The following NEK11 variants were observed in gnomAD, a reference collection of about 807,000 sequenced individuals.
NEK11 encodes serine/threonine-protein kinase Nek11.
In NEK11, 72 loss-of-function variants were observed where a neutral mutation model predicts 80.7. The ratio of observed to expected loss-of-function variants is 0.89; its 90% CI spans 0.74 to 1.08. The LOEUF (loss-of-function observed/expected upper bound fraction) is 1.08, where lower values mean the gene tolerates loss of function less well. Among genes scored for constraint, NEK11 ranks in the 50% least tolerant of loss-of-function variants. The pLI is 0.00. For synonymous variants in NEK11, 251 were observed against 260.7 expected, an observed-to-expected ratio of 0.96 and a Z score of 0.36; for missense variants, 764 against 763.6, an observed-to-expected ratio of 1.00 and a Z score of -0.01.
chr3:131,336,858 G>A (rs895676399), intron 17 of NEK11, among the ~76,000 whole-genome samples: 18 of 152,210 alleles, frequency 1.2e-4, no homozygotes, highest in Non-Finnish European at 2.5e-4. Flanking sequence ...AAAGACACAT[G>A]TAAAAATGCT....
chr3:131,089,836 C>G (rs1441820126), intron 4 of NEK11, among the ~76,000 whole-genome samples: 1 of 151,014 alleles, frequency 6.6e-6, no homozygotes, highest in Non-Finnish European at 1.5e-5. Flanking sequence ...GATTTTGATG[C>G]ATAATATTTG....
chr3:131,255,682 A>T (rs1484931532), intron 16 of NEK11, among the ~76,000 whole-genome samples: 1 of 152,114 alleles, frequency 6.6e-6, no homozygotes. Context: ...TGGCAGCTCT[A>T]CTTCTATCTT....
chr3:131,274,801 C>G (rs1034527538), intron 17 of NEK11, among the ~76,000 whole-genome samples: 46 of 151,448 alleles, frequency 3.0e-4, no homozygotes, highest in Admixed American at 3.3e-4. Flanking sequence ...CTACAGGCGC[C>G]TGCCACCGCG....
intron 14 of NEK11, among the ~76,000 whole-genome samples, chr3:131,224,558 G>C (rs2095131904): frequency 6.6e-6 from 1 of 152,052 alleles, no homozygotes; most frequent in African/African-American, 2.4e-5. Context: ...TTTCTAAAGT[G>C]TACTCCTTCT....
intron 10 of NEK11, among the ~76,000 whole-genome samples, chr3:131,161,243 A>G (rs559210127): frequency 6.6e-6 from 1 of 152,312 alleles, no homozygotes; most frequent in East Asian, 1.9e-4. Flanking sequence ...TGGAAGTGTA[A>G]ATTAGTTCAA....
chr3:131,197,814 T>A (rs1248445110), intron 14 of NEK11, among the ~76,000 whole-genome samples: 1 of 152,036 alleles, frequency 6.6e-6, no homozygotes, highest in East Asian at 1.9e-4. Context: ...ATACTAGGGG[T>A]CCTTCTATAA....
At chr3:131,127,928 A>G (rs2083650898) in intron 5 of NEK11, among the ~76,000 whole-genome samples, 1 of 152,196 alleles carries the variant, frequency 6.6e-6, no homozygotes, top group Non-Finnish European at 1.5e-5. Context: ...TTTTACTAAG[A>G]TACCTCTTCC....
chr3:131,132,797 C>G lies in NEK11; in HGVS notation c.508C>G (p.Leu170Val). 6.7e-7 allele frequency: 1 copy of G among 1,494,118 alleles called. No homozygotes were observed. The highest frequency in any genetic ancestry group is 1.2e-5 in the South Asian group (1 of 81,958). 92.6% of individuals were successfully genotyped at this position (1,494,118 alleles called of 1,614,324 possible). A position where few individuals can be genotyped will look rare whatever the true frequency, so the allele number is the denominator to read the frequency against. The change falls in exon 6 of 18, where the codon CTC (leucine) becomes GTC (valine). Residue 170 changes from leucine to valine, a missense_variant. Leu to Val is a conservative substitution (Grantham distance 32). Transcript: ENST00000383366. Reference protein sequence around the residue: ...KSKNVFLKNNLLKIGDFGVSR... With the variant: ...KSKNVFLKNNVLKIGDFGVSR... ...AAAGAATGTATTTCTGAAAAATAAT[C>G]TCCTTAAAATTGGTAAGATTTTAAA...
At chr3:131,158,128 C>T (rs2090992079) in intron 10 of NEK11, among the ~76,000 whole-genome samples, 1 of 152,004 alleles carries the variant, frequency 6.6e-6, no homozygotes, top group African/African-American at 2.4e-5. Context: ...TCTCCTGAGG[C>T]CCAGCCTGGC....
chr3:131,164,574 T>G (rs970238361), intron 11 of NEK11, among the ~76,000 whole-genome samples: 2 of 152,182 alleles, frequency 1.3e-5, no homozygotes, highest in African/African-American at 4.8e-5. Context: ...AAAGGCAAAT[T>G]TAATAACATA....
chr3:131,211,513 C>T (rs914029899), intron 14 of NEK11, among the ~76,000 whole-genome samples: 1 of 152,120 alleles, frequency 6.6e-6, no homozygotes, highest in African/African-American at 2.4e-5. Context: ...GAATGTTGGC[C>T]TGCCTTGCTA....
chr3:131,274,081 T>C (rs2096249386), intron 17 of NEK11, among the ~76,000 whole-genome samples: 1 of 149,780 alleles, frequency 6.7e-6, no homozygotes, highest in Non-Finnish European at 1.5e-5. Flanking sequence ...TAGCATTAGG[T>C]ATATCTCCCA....
intron 17 of NEK11, among the ~76,000 whole-genome samples, chr3:131,288,452 T>TTC (rs201121837): frequency 1.9e-5 from 1 of 53,548 alleles, no homozygotes; most frequent in African/African-American, 6.5e-5. Flanking sequence ...CTTTCTTTCT[T>TTC]TTTTTTTTTT....
chr3:131,214,829 G>A (rs2094765591), intron 14 of NEK11, among the ~76,000 whole-genome samples: 1 of 152,020 alleles, frequency 6.6e-6, no homozygotes, highest in South Asian at 2.1e-4. Flanking sequence ...AAACAGTACT[G>A]TACTGTACTT....
chr3:131,235,507 T>G (rs527670043), intron 15 of NEK11, among the ~76,000 whole-genome samples: 1 of 152,306 alleles, frequency 6.6e-6, no homozygotes, highest in South Asian at 2.1e-4. Flanking sequence ...AAATACCATT[T>G]CATGGTGTCC....
intron 16 of NEK11, among the ~76,000 whole-genome samples, chr3:131,248,801 A>G (rs1055190604): frequency 6.6e-6 from 1 of 152,108 alleles, no homozygotes; most frequent in Non-Finnish European, 1.5e-5. Context: ...TGCTTTTTCC[A>G]TGTGAAATAT....
intron 5 of NEK11, among the ~76,000 whole-genome samples, chr3:131,120,169 A>G (rs993667491): frequency 2.6e-5 from 4 of 152,088 alleles, no homozygotes; most frequent in Non-Finnish European, 1.5e-5. Context: ...TGTAAGGTAG[A>G]CCTGGTGGTG....
At chr3:131,069,403 G>T (rs2072756289) in intron 3 of NEK11, among the ~76,000 whole-genome samples, 1 of 152,050 alleles carries the variant, frequency 6.6e-6, no homozygotes, top group African/African-American at 2.4e-5. Flanking sequence ...TTCAACCATT[G>T]TGGAAGTCAG....
At chr3:131,176,070 A>G (rs2092994220) in intron 14 of NEK11, among the ~76,000 whole-genome samples, 1 of 152,198 alleles carries the variant, frequency 6.6e-6, no homozygotes, top group African/African-American at 2.4e-5. Context: ...GATAAGGGAC[A>G]GGGATCTTTT....
Sources: gnomAD v4.1 joint callset for allele counts (sites outside exome capture counted in the v4.1 genomes callset) on GRCh38, gnomAD v4.1.1 for gene constraint, MANE v1.5 for transcripts, NCBI Gene and HGNC (gene_info 2026-07-23, HGNC 2026-07-21) for gene names.